The following MFF variants were observed in gnomAD, a reference collection of about 807,000 sequenced individuals.
The protein encoded by MFF is mitochondrial fission factor.
MFF carries 12 observed loss-of-function variants against 36.9 expected under a neutral mutation model. The observed-to-expected ratio is 0.33, with a 90% confidence interval of 0.21 to 0.53. The LOEUF (loss-of-function observed/expected upper bound fraction) is 0.53. MFF is among the 20% of genes least tolerant of loss of function. The pLI is 0.95. For synonymous variants in MFF, 99 were observed against 126.2 expected, an observed-to-expected ratio of 0.78 and a Z score of 1.44; for missense variants, 348 against 366.6, an observed-to-expected ratio of 0.95 and a Z score of 0.42.
intron 4 of MFF, among the ~76,000 whole-genome samples, chr2:227,338,433 A>G (rs1197748892): frequency 6.6e-6 from 1 of 152,092 alleles, no homozygotes; most frequent in Non-Finnish European, 1.5e-5. Context: ...ACCGTGCCCA[A>G]CCAAAAACAT....
At chr2:227,339,992 A>G (rs1296466504) in intron 4 of MFF, among the ~76,000 whole-genome samples, 1 of 152,266 alleles carries the variant, frequency 6.6e-6, no homozygotes, top group Non-Finnish European at 1.5e-5. Context: ...GGTTAAACAA[A>G]TAATAATTGT....
At chr2:227,356,958 A>AT (rs1559995108) in intron 8 of MFF, 28 bp from the exon 9 acceptor site, 1 of 1,570,558 alleles carries the variant, frequency 6.4e-7, no homozygotes, top group South Asian at 1.2e-5. Context: ...TCTATATTAT[A>AT]TTTTTTGTGT....
chr2:227,327,320 C>T (rs555486586), intron 1 of MFF, among the ~76,000 whole-genome samples: 16 of 152,086 alleles, frequency 1.1e-4, no homozygotes, highest in Non-Finnish European at 1.9e-4. Context: ...TACTGGTTGC[C>T]TACTGGATTC....
At chr2:227,346,156 A>C (rs2106428187) in intron 5 of MFF, 1 of 166,838 alleles carries the variant, frequency 6.0e-6, no homozygotes, top group South Asian at 2.1e-4. Flanking sequence ...CTGTTAGAAA[A>C]GATTACACAG....
intron 4 of MFF, among the ~76,000 whole-genome samples, chr2:227,335,316 A>T (rs2074914085): frequency 6.6e-6 from 1 of 152,188 alleles, no homozygotes; most frequent in African/African-American, 2.4e-5. Flanking sequence ...ATGAATGAAG[A>T]CAGGATACAG....
rs375098500 is a variant in MFF at position 227,332,460 on chromosome 2, G to A, written c.223G>A (p.Asp75Asn). 102 of 1,613,370 alleles carry A rather than the reference G, an allele frequency of 6.3e-5. No individual in the cohort carries two copies. In the African/African-American group the frequency reaches 9.1e-4, roughly 14 times the overall value. Residue 75 changes from aspartate (D) to asparagine (N), a missense_variant, in exon 4 of 9, where the codon GAC becomes AAC. Asp to Asn is a conservative substitution (Grantham distance 23). Transcript: ENST00000304593. ...DVSFSRPADL[D>N]LIQSTPFKPL... Reference sequence around the variant, plus strand: ...TTCATTTTCAAGACCAGCAGATCTTGACCTTATTCAGTCAACTCCCTTTAA... The same window carrying A: ...TTCATTTTCAAGACCAGCAGATCTTAACCTTATTCAGTCAACTCCCTTTAA...
intron 4 of MFF, among the ~76,000 whole-genome samples, chr2:227,335,283 C>A (rs1325873930): frequency 6.6e-6 from 1 of 151,734 alleles, no homozygotes; most frequent in African/African-American, 2.4e-5. Flanking sequence ...TTTCTACTTA[C>A]ATGAAATATC....
At chr2:227,336,759 C>T (rs2075038042) in intron 4 of MFF, among the ~76,000 whole-genome samples, 1 of 152,150 alleles carries the variant, frequency 6.6e-6, no homozygotes, top group South Asian at 2.1e-4. Flanking sequence ...GACACAAAAG[C>T]CATGAATGTC....
At chr2:227,337,351 C>G (rs1378413280) in intron 4 of MFF, among the ~76,000 whole-genome samples, 1 of 152,214 alleles carries the variant, frequency 6.6e-6, no homozygotes, top group Non-Finnish European at 1.5e-5. Flanking sequence ...CCCAACTGTT[C>G]AGTCTACATT....
intron 4 of MFF, among the ~76,000 whole-genome samples, chr2:227,338,099 G>A (rs530378659): frequency 6.6e-6 from 1 of 151,908 alleles, no homozygotes; most frequent in Admixed American, 6.6e-5. Flanking sequence ...CGGGCATGGT[G>A]GCTCACACCT....
chr2:227,326,571 A>C (rs896124689), intron 1 of MFF, among the ~76,000 whole-genome samples: 3 of 152,174 alleles, frequency 2.0e-5, no homozygotes, highest in African/African-American at 7.2e-5. Context: ...CTCCTTTCAG[A>C]ATTGCAAAGT....
intron 6 of MFF, among the ~76,000 whole-genome samples, chr2:227,351,045 A>G (rs1255056934): frequency 6.6e-6 from 1 of 152,216 alleles, no homozygotes; most frequent in Non-Finnish European, 1.5e-5. Context: ...TGACAGACCC[A>G]TTTGAACATA....
rs2106345536 is a variant in MFF at position 227,330,719 on chromosome 2, T to C, written c.54T>C (p.Ser18=). The C allele has an allele frequency of 6.2e-7, 1 of 1,614,138 alleles. No individual in the cohort carries two copies. The highest frequency in any genetic ancestry group is 1.3e-5 in the African/African-American group (1 of 75,052). Reference sequence around the variant, plus strand: ...AAATGGAATATACTGAAGGCATTAGTCAGCGAATGAGGGTCCCAGAAAAGT... The same window carrying C: ...AAATGGAATATACTGAAGGCATTAGCCAGCGAATGAGGGTCCCAGAAAAGT... ...QYEMEYTEGI[S]QRMRVPEKLK... Residue 18 remains serine, a synonymous_variant, in exon 3 of 9, where the codon AGT becomes AGC. Transcript: ENST00000304593.
intron 4 of MFF, among the ~76,000 whole-genome samples, chr2:227,337,512 A>G (rs2075095836): frequency 6.6e-6 from 1 of 152,212 alleles, no homozygotes; most frequent in African/African-American, 2.4e-5. Context: ...AACCTAGAGG[A>G]CATTTACTTG....
chr2:227,328,893 A>G (rs2074368808), intron 2 of MFF, 104 bp downstream of exon 2: 1 of 144,708 alleles, frequency 6.9e-6, no homozygotes. Context: ...GATAAAGAAT[A>G]AAAGATGTGA....
At chr2:227,339,405 C>T (rs2075260786) in intron 4 of MFF, among the ~76,000 whole-genome samples, 1 of 152,090 alleles carries the variant, frequency 6.6e-6, no homozygotes, top group Non-Finnish European at 1.5e-5. Flanking sequence ...ATGTCTGGGG[C>T]CTAAGCTAGG....
At chr2:227,340,162 T>A in intron 4 of MFF, 130 bp from the exon 5 acceptor site, 1 of 638,110 alleles carries the variant, frequency 1.6e-6, no homozygotes, top group Non-Finnish European at 2.7e-6. Flanking sequence ...TGGCAGCAAT[T>A]CTTGGTTGCC....
At chr2:227,340,926 G>GA (rs1559967145) in intron 5 of MFF, among the ~76,000 whole-genome samples, 1 of 151,864 alleles carries the variant, frequency 6.6e-6, no homozygotes, top group Non-Finnish European at 1.5e-5. Flanking sequence ...AATGTTCTTC[G>GA]AAAACTGGTC....
intron 1 of MFF, among the ~76,000 whole-genome samples, chr2:227,327,757 G>T (rs58670479): frequency 0.32 from 48,802 of 152,160 alleles, 8,117 homozygotes; most frequent in Admixed American, 0.42. Context: ...AGGAGATACT[G>T]AGGTTCTAGC....
Sources: gnomAD v4.1 joint callset for allele counts (sites outside exome capture counted in the v4.1 genomes callset) on GRCh38, gnomAD v4.1.1 for gene constraint, MANE v1.5 for transcripts, NCBI Gene and HGNC (gene_info 2026-07-23, HGNC 2026-07-21) for gene names.